Variants in PCSK5 observed in about 807,000 individuals in gnomAD.
PCSK5 encodes proprotein convertase subtilisin/kexin type 5.
A neutral mutation model predicts 233.2 loss-of-function variants in PCSK5; 129 were observed. The ratio of observed to expected loss-of-function variants is 0.55; its 90% CI spans 0.48 to 0.64. The LOEUF (loss-of-function observed/expected upper bound fraction) is 0.64. Ranked by LOEUF, PCSK5 falls within the 30% of genes least tolerant of loss-of-function variation. The probability of loss-of-function intolerance (pLI) is 0.00; values close to 1 mark genes in which losing one functional copy is unlikely to be tolerated. For missense variants in PCSK5, 2,076 were observed against 2,430.1 expected, an observed-to-expected ratio of 0.85 and a Z score of 3.06; for synonymous variants, 825 against 879.2, an observed-to-expected ratio of 0.94 and a Z score of 1.09.
intron 20 of PCSK5, chr9:76,193,413 GAA>G: frequency 1.0e-6 from 1 of 979,812 alleles, no homozygotes; most frequent in Non-Finnish European, 1.4e-6. Context: ...TTATTAAAAA[GAA>G]AAAAGCCAAA....
intron 1 of PCSK5, among the ~76,000 whole-genome samples, chr9:75,930,690 T>C (rs974577974): frequency 1.3e-5 from 2 of 152,172 alleles, no homozygotes; most frequent in African/African-American, 4.8e-5. Flanking sequence ...GGTTGTTCTG[T>C]GACGATCTTC....
At chr9:76,313,767 T>A (rs1001375874) in intron 30 of PCSK5, among the ~76,000 whole-genome samples, 2 of 152,170 alleles carry the variant, frequency 1.3e-5, no homozygotes, top group African/African-American at 4.8e-5. Context: ...CATCCCCAGC[T>A]GGGTATTTGA....
intron 3 of PCSK5, among the ~76,000 whole-genome samples, chr9:75,991,896 C>T (rs953968793): frequency 2.6e-5 from 4 of 151,724 alleles, no homozygotes; most frequent in Admixed American, 6.6e-5. Context: ...ACAGCCTAGG[C>T]AACATAGCGA....
intron 8 of PCSK5, 90 bp downstream of exon 8, chr9:76,096,192 C>T (rs111449509): frequency 0.016 from 9,067 of 551,086 alleles, 182 homozygotes; most frequent in African/African-American, 0.082. Context: ...TATATATATA[C>T]ACACACACAC....
intron 2 of PCSK5, among the ~76,000 whole-genome samples, chr9:75,951,085 A>T (rs1419305709): frequency 1.3e-5 from 2 of 152,242 alleles, no homozygotes. Context: ...ACCAGTAGTT[A>T]GTATTAACTG....
intron 24 of PCSK5, among the ~76,000 whole-genome samples, chr9:76,254,989 T>C (rs922503079): frequency 2.0e-5 from 3 of 152,150 alleles, no homozygotes; most frequent in African/African-American, 7.2e-5. Context: ...GCATCAGTAT[T>C]TTTTTAAAAC....
At chr9:76,047,932 T>G (rs1238089641) in intron 5 of PCSK5, among the ~76,000 whole-genome samples, 1 of 152,228 alleles carries the variant, frequency 6.6e-6, no homozygotes, top group Non-Finnish European at 1.5e-5. Context: ...AATTTGAATT[T>G]TAGTAGGGTC....
chr9:76,200,657 AAAG>A (rs1398165171), intron 20 of PCSK5, among the ~76,000 whole-genome samples: 2 of 152,220 alleles, frequency 1.3e-5, no homozygotes, highest in South Asian at 2.1e-4. Flanking sequence ...ATTAAAAATC[AAAG>A]AAGGTTATGA....
In PCSK5 at chr9:76,309,549, C is replaced by T. The variant is rs181389461; in HGVS notation, c.3688+821C>T. Among the ~76,000 whole-genome samples, 389 of 152,170 alleles carry T rather than the reference C, an allele frequency of 2.6e-3. 1 individual carries two copies. The highest frequency in any genetic ancestry group is 4.5e-3 in the Non-Finnish European group (307 of 68,004). ...TCTCTACTAAAAATACAAAAATTAG[C>T]CACATGTGTTGGCACATGCCTGTAA... On this transcript the variant is annotated intron_variant, in intron 29 of 37. Coordinates refer to ENST00000674117, the MANE Select transcript of PCSK5 (RefSeq NM_001372043.1).
chr9:76,115,248 A>C (rs1415675411), intron 9 of PCSK5, among the ~76,000 whole-genome samples: 1 of 152,182 alleles, frequency 6.6e-6, no homozygotes, highest in East Asian at 1.9e-4. Context: ...GCAATTATTG[A>C]CTGTCCTTGG....
chr9:76,062,789 T>C (rs1247025518), intron 5 of PCSK5, among the ~76,000 whole-genome samples: 1 of 152,244 alleles, frequency 6.6e-6, no homozygotes, highest in African/African-American at 2.4e-5. Context: ...ATTTATCTTC[T>C]TTCTGTGGGT....
At chr9:76,027,949 G>A (rs905288149) in intron 5 of PCSK5, among the ~76,000 whole-genome samples, 8 of 151,960 alleles carry the variant, frequency 5.3e-5, no homozygotes, top group African/African-American at 1.7e-4. Context: ...TTTTTCTTTA[G>A]GGAAAAATTT....
intron 2 of PCSK5, among the ~76,000 whole-genome samples, chr9:75,973,504 C>T (rs1265655389): frequency 6.6e-6 from 1 of 152,108 alleles, no homozygotes; most frequent in Non-Finnish European, 1.5e-5. Flanking sequence ...TAAATCACTC[C>T]GGAGCACCTA....
chr9:76,161,846 G>A (rs1034141740), intron 12 of PCSK5, among the ~76,000 whole-genome samples: 7 of 152,146 alleles, frequency 4.6e-5, no homozygotes, highest in African/African-American at 1.7e-4. Context: ...GACTTGTGTC[G>A]GAGAAAAGAA....
At chr9:76,334,525 G>T (rs1483828143) in intron 34 of PCSK5, among the ~76,000 whole-genome samples, 1 of 152,172 alleles carries the variant, frequency 6.6e-6, no homozygotes, top group Non-Finnish European at 1.5e-5. Context: ...GAGGTTAGGA[G>T]TTTGAGACCA....
intron 24 of PCSK5, among the ~76,000 whole-genome samples, chr9:76,289,356 A>G (rs903549): frequency 0.21 from 31,379 of 151,864 alleles, 3,433 homozygotes; most frequent in Middle Eastern, 0.27. Context: ...TCTCAGCTCA[A>G]AAGTTTGACA....
chr9:76,227,629 C>A (rs765566297), intron 21 of PCSK5, 24 bp downstream of exon 21: 6 of 1,470,188 alleles, frequency 4.1e-6, no homozygotes, highest in South Asian at 1.2e-5. Flanking sequence ...CAGGATCTCC[C>A]GGTGGTGTGA....
At chr9:76,264,176 G>A (rs1038596875) in intron 24 of PCSK5, among the ~76,000 whole-genome samples, 2 of 152,104 alleles carry the variant, frequency 1.3e-5, no homozygotes, top group African/African-American at 2.4e-5. Flanking sequence ...CATCTGCTCT[G>A]CAACAAAATT....
chr9:76,331,534 G>A (rs926858953), intron 33 of PCSK5, among the ~76,000 whole-genome samples: 1 of 152,128 alleles, frequency 6.6e-6, no homozygotes, highest in Admixed American at 6.5e-5. Context: ...GGGTGTGGTG[G>A]CAGGTGCCTG....
Sources: gnomAD v4.1 joint callset for allele counts (sites outside exome capture counted in the v4.1 genomes callset) on GRCh38, gnomAD v4.1.1 for gene constraint, MANE v1.5 for transcripts, NCBI Gene and HGNC (gene_info 2026-07-23, HGNC 2026-07-21) for gene names.